MEGF8: variants seen among roughly 807,000 people sequenced by gnomAD.
MEGF8 encodes multiple EGF like domains 8.
MEGF8 carries 156 observed loss-of-function variants against 302.9 expected under a neutral mutation model. The ratio of observed to expected loss-of-function variants is 0.52; its 90% CI spans 0.45 to 0.59. MEGF8 has a LOEUF of 0.59. Ranked by LOEUF, MEGF8 falls within the 20% of genes least tolerant of loss-of-function variation. The pLI is 0.00. For synonymous variants in MEGF8, 1,621 were observed against 1,660.5 expected (o/e 0.98, Z 0.58); for missense variants, 3,345 against 3,964.5 (o/e 0.84, Z 4.20).
At chr19:42,365,142 C>A (rs182495524) in intron 35 of MEGF8, among the ~76,000 whole-genome samples, 3 of 152,262 alleles carry the variant, frequency 2.0e-5, no homozygotes, top group East Asian at 1.9e-4. Flanking sequence ...AGCCTGGGAT[C>A]CTAATGGTAG....
intron 1 of MEGF8, among the ~76,000 whole-genome samples, chr19:42,333,011 C>T (rs1386825983): frequency 6.6e-6 from 1 of 152,170 alleles, no homozygotes; most frequent in Non-Finnish European, 1.5e-5. Context: ...CAGTCTGGTT[C>T]CAGAGTTTGT....
chr19:42,376,410 T>G lies in MEGF8; in HGVS notation c.8173T>G (p.Phe2725Val). 1 of 1,612,692 alleles carries G rather than the reference T, an allele frequency of 6.2e-7. No individual in the cohort carries two copies. Among genetic ancestry groups the G allele is most frequent in the Non-Finnish European group, 8.5e-7 (1 of 1,179,700 alleles). Residue 2725 changes from phenylalanine to valine, a missense_variant, in exon 42 of 42, where the codon TTC becomes GTC. Coordinates refer to ENST00000251268, the MANE Select transcript of MEGF8 (RefSeq NM_001271938.2). This position sits in a 1 kb window ranked among gnomAD's most constrained non-coding sequence, Gnocchi z 8.2. ...GCCGGCTGGGCTCCCACCTCCCGCC[T>G]TCCGCCGCTCTGAGCCCTTCCTGGC... is the stretch of plus-strand genomic sequence containing the variant. Reference protein sequence around the residue: ...WKPAGLPPPAFRRSEPFLAPL... With the variant: ...WKPAGLPPPAVRRSEPFLAPL...
At chr19:42,335,815 C>G (rs1036844772) in intron 5 of MEGF8, 116 bp from the exon 6 acceptor site, 1 of 987,368 alleles carries the variant, frequency 1.0e-6, no homozygotes, top group Admixed American at 3.1e-5. Flanking sequence ...TTCTCTTTGT[C>G]TCTGTCTTTA....
chr19:42,344,088 T>C lies in MEGF8; in HGVS notation c.1788+15T>C. On this transcript the variant is annotated intron_variant, in intron 10 of 41. Coordinates refer to ENST00000251268, the MANE Select transcript of MEGF8 (RefSeq NM_001271938.2). The surrounding 1 kb of genome is among the most constrained non-coding windows in gnomAD (Gnocchi z 4.5). ...CCTTGGGGGCTGTGAGTGACAGCCC[T>C]AGACCCTCTGTTCCCTAGCATAGAG... 6.2e-7 allele frequency: 1 copy of C among 1,612,180 alleles called. No homozygotes were observed. The highest frequency in any genetic ancestry group is 1.1e-5 in the South Asian group (1 of 91,024).
At chr19:42,343,711 G>T in intron 9 of MEGF8, 80 bp downstream of exon 9, 1 of 1,462,014 alleles carries the variant, frequency 6.8e-7, no homozygotes, top group Non-Finnish European at 9.1e-7. Flanking sequence ...AAAGGCAGGA[G>T]GGGATCCCTG....
chr19:42,368,307 G>A lies in MEGF8; in HGVS notation c.6274-148G>A. 1 of 660,530 alleles carries A rather than the reference G, an allele frequency of 1.5e-6. No homozygotes were observed. The highest frequency in any genetic ancestry group is 2.6e-6 in the Non-Finnish European group (1 of 386,362). 40.9% of individuals were successfully genotyped at this position (660,530 alleles called of 1,614,324 possible). On this transcript the variant is annotated intron_variant, in intron 35 of 41. Transcript: ENST00000251268. This position sits in a 1 kb window ranked among gnomAD's most constrained non-coding sequence, Gnocchi z 4.9. The stretch of plus-strand genomic sequence containing the variant: ...TGAGAGGGAAAACATGATGACCCCA[G>A]CTAGTGTCCACTTTGCTCTACCTGT...
rs2039465591 is a variant in MEGF8 at position 42,357,268 on chromosome 19, G to C, written c.4831-136G>C. On this transcript the variant is annotated intron_variant, in intron 27 of 41. Coordinates refer to ENST00000251268, the MANE Select transcript of MEGF8 (RefSeq NM_001271938.2). The surrounding 1 kb of genome is among the most constrained non-coding windows in gnomAD (Gnocchi z 5.2). ...CTGTGCCTCTGCCAGGACCCAGGCT[G>C]GTCCGACTGGCCCTGGGGGGGTCAT... 1.8e-6 allele frequency: 2 copies of C among 1,098,324 alleles called. No individual in the cohort carries two copies. The highest frequency in any genetic ancestry group is 1.6e-5 in the African/African-American group (1 of 63,762). The allele number at this position is 1,098,324 out of a possible 1,614,324, so 68.0% of individuals were successfully genotyped here. A position where few individuals can be genotyped will look rare whatever the true frequency, so the allele number is the denominator to read the frequency against.
At position 42,344,268 on chromosome 19, in the gene MEGF8, C is replaced by T. The variant is rs539368280; in HGVS notation, c.1789-173C>T. Among the ~76,000 whole-genome samples the T allele has an allele frequency of 3.9e-5, 6 of 152,198 alleles. No individual in the cohort carries two copies. The highest frequency in any genetic ancestry group is 8.8e-5 in the Non-Finnish European group (6 of 67,984). ...CCACCCAGCCCGACCCTTTTGAGCC[C>T]GTGACCCCATCCCCGCATCCCCCGT... is the stretch of plus-strand genomic sequence containing the variant. On this transcript the variant is annotated intron_variant, in intron 10 of 41. Transcript: ENST00000251268. The surrounding 1 kb of genome is among the most constrained non-coding windows in gnomAD (Gnocchi z 4.5).
intron 8 of MEGF8, among the ~76,000 whole-genome samples, chr19:42,337,808 T>C (rs2039151936): frequency 6.6e-6 from 1 of 151,548 alleles, no homozygotes; most frequent in East Asian, 1.9e-4. Context: ...GCCCGGCCTC[T>C]TTTCTTTTTT....
chr19:42,334,147 G>C lies in MEGF8; in HGVS notation c.492G>C (p.Trp164Cys). Residue 164 changes from tryptophan (W) to cysteine (C), a missense_variant, in exon 3 of 42, where the codon TGG (tryptophan) becomes TGC (cysteine). Physicochemically the swap from Trp to Cys is radical, Grantham distance 215. Transcript: ENST00000251268. ...PPGVCACEPG[W>C]GGPDCGLQEC... is the part of the protein sequence containing the mutation. Reference sequence around the variant, plus strand: ...GTGTGTGTGCCTGCGAGCCGGGCTGGGGGGGTCCTGACTGTGGCCTGCAGG... The same window carrying C: ...GTGTGTGTGCCTGCGAGCCGGGCTGCGGGGGTCCTGACTGTGGCCTGCAGG... The C allele has an allele frequency of 6.2e-7, 1 of 1,611,606 alleles. No homozygotes were observed. Among genetic ancestry groups the C allele is most frequent in the Admixed American group, 1.7e-5 (1 of 59,978 alleles).
chr19:42,363,079 C>T lies in MEGF8; in HGVS notation c.6090C>T (p.Pro2030=), dbSNP rs2039556975. Residue 2030 remains proline, a synonymous_variant, in exon 35 of 42, where the codon CCC becomes CCT. Coordinates refer to ENST00000251268, the MANE Select transcript of MEGF8 (RefSeq NM_001271938.2). ...GETRRILSVQ[P]TYDWTCFSHS... is the part of the protein sequence containing the mutation. ...CCCGCCGCATCCTCTCCGTGCAGCC[C>T]ACCTATGACTGGACGTGCTTCAGCC... 2 of 1,613,170 alleles carry T rather than the reference C, an allele frequency of 1.2e-6. No homozygotes were observed. Among genetic ancestry groups the T allele is most frequent in the Admixed American group, 1.7e-5 (1 of 59,876 alleles).
chr19:42,361,129 C>A, intron 32 of MEGF8, 123 bp downstream of exon 32: 2 of 1,071,750 alleles, frequency 1.9e-6, no homozygotes, highest in Non-Finnish European at 2.5e-6. Context: ...GGGTGAATCA[C>A]CGCAGGCAGG....
Position 42,358,543 on chromosome 19 carries a change from G to A in MEGF8, c.5175+236G>A, listed in dbSNP as rs1236098058. Among the ~76,000 whole-genome samples the A allele has an allele frequency of 1.3e-5, 2 of 152,164 alleles. No homozygotes were observed. Among genetic ancestry groups the A allele is most frequent in the Admixed American group, 6.5e-5 (1 of 15,278 alleles). On this transcript the variant is annotated intron_variant, in intron 29 of 41. Transcript: ENST00000251268. This position sits in a 1 kb window ranked among gnomAD's most constrained non-coding sequence, Gnocchi z 4.4. ...CCAGCTCTCCCCTGAGTCTTGGTGCGGCCCTGGCAGGCCCCTTCCCCGTCC... is the reference window on the plus strand; with the variant it reads ...CCAGCTCTCCCCTGAGTCTTGGTGCAGCCCTGGCAGGCCCCTTCCCCGTCC...
Position 42,358,451 on chromosome 19 carries a change from C to A in MEGF8, c.5175+144C>A, listed in dbSNP as rs2039483851. ...CTAACTAAGCGACACCCCCACATCT[C>A]CCCCGCTTCCATCCCTGATTTGGAG... is the stretch of plus-strand genomic sequence containing the variant. On this transcript the variant is annotated intron_variant, in intron 29 of 41. Transcript: ENST00000251268. The surrounding 1 kb of genome is among the most constrained non-coding windows in gnomAD (Gnocchi z 4.4). 4 of 1,099,360 alleles carry A rather than the reference C, an allele frequency of 3.6e-6. No homozygotes were observed. In the Admixed American group the frequency reaches 9.3e-5, roughly 25 times the overall value. The allele number at this position is 1,099,360 out of a possible 1,614,324, so 68.1% of individuals were successfully genotyped here.
Position 42,368,713 on chromosome 19 carries a change from C to G in MEGF8, c.6481+51C>G. On this transcript the variant is annotated intron_variant, in intron 36 of 41. Coordinates refer to ENST00000251268, the MANE Select transcript of MEGF8 (RefSeq NM_001271938.2). The surrounding 1 kb of genome is among the most constrained non-coding windows in gnomAD (Gnocchi z 4.9). ...AGAGGGGCTGGCCCTTGGTTGGGGTCTGATACAGTGAACATAGGGATACTG... is the reference window on the plus strand; with the variant it reads ...AGAGGGGCTGGCCCTTGGTTGGGGTGTGATACAGTGAACATAGGGATACTG... 1 of 1,537,782 alleles carries G rather than the reference C, an allele frequency of 6.5e-7. No individual in the cohort carries two copies. Among genetic ancestry groups the G allele is most frequent in the Non-Finnish European group, 8.7e-7 (1 of 1,143,956 alleles).
Position 42,353,720 on chromosome 19 carries a change from A to C in MEGF8, c.3761+45A>C. 3 of 1,573,378 alleles carry C rather than the reference A, an allele frequency of 1.9e-6. No individual in the cohort carries two copies. Among genetic ancestry groups the C allele is most frequent in the Non-Finnish European group, 2.6e-6 (3 of 1,154,368 alleles). On this transcript the variant is annotated intron_variant, in intron 21 of 41. Coordinates refer to ENST00000251268, the MANE Select transcript of MEGF8 (RefSeq NM_001271938.2). The surrounding 1 kb of genome is among the most constrained non-coding windows in gnomAD (Gnocchi z 6.1). Reference sequence around the variant, plus strand: ...AGGGCTGGGTAGGGTGTGCTTGGGGACACAGTGGGGAGGGTCAGGACTGGT... The same window carrying C: ...AGGGCTGGGTAGGGTGTGCTTGGGGCCACAGTGGGGAGGGTCAGGACTGGT...
rs1166957184 is a variant in MEGF8 at position 42,362,153 on chromosome 19, C to T, written c.5784C>T (p.Leu1928=). ...MPRSPEECRR[L]RTCSECLARH... ...GCTCCCCGGAGGAATGTCGACGTCT[C>T]CGGACCTGCAGTGAGTGCCTGGCCC... The change falls in exon 33 of 42, where the codon CTC becomes CTT. Residue 1928 remains leucine, a synonymous_variant. Transcript: ENST00000251268. 6.2e-7 allele frequency: 1 copy of T among 1,611,754 alleles called. No individual in the cohort carries two copies. Among genetic ancestry groups the T allele is most frequent in the South Asian group, 1.1e-5 (1 of 90,680 alleles).
In MEGF8 at chr19:42,376,329, G is replaced by A; in HGVS notation, c.8092G>A (p.Ala2698Thr). The change falls in exon 42 of 42, where the codon GCC becomes ACC. Residue 2698 changes from alanine (A) to threonine (T), a missense_variant. Coordinates refer to ENST00000251268, the MANE Select transcript of MEGF8 (RefSeq NM_001271938.2). The surrounding 1 kb of genome is among the most constrained non-coding windows in gnomAD (Gnocchi z 8.2). ...EMTKMASRPF[A>T]KVTVCFPPDP... ...GACCAAGATGGCCAGCCGCCCCTTC[G>A]CCAAGGTCACCGTCTGCTTCCCACC... 1 of 1,613,630 alleles carries A rather than the reference G, an allele frequency of 6.2e-7. No homozygotes were observed. The highest frequency in any genetic ancestry group is 1.1e-5 in the South Asian group (1 of 91,084).
intron 5 of MEGF8, 101 bp from the exon 6 acceptor site, chr19:42,335,830 G>T (rs571036395): frequency 1.8e-6 from 2 of 1,121,136 alleles, no homozygotes; most frequent in Non-Finnish European, 1.2e-6. Context: ...TCTTTATCTC[G>T]CCTTCTCTCC....
Sources: allele counts gnomAD v4.1 joint callset (sites outside exome capture counted in the v4.1 genomes callset), GRCh38; gene constraint gnomAD v4.1.1; non-coding constraint Gnocchi (gnomAD v3.1); transcripts MANE v1.5; gene names NCBI Gene and HGNC (gene_info 2026-07-23, HGNC 2026-07-21).